Variants in VPS54 observed in about 807,000 individuals in gnomAD.
VPS54 encodes vacuolar protein sorting-associated protein 54.
In VPS54, 45 loss-of-function variants were observed where a neutral mutation model predicts 121.5. The observed-to-expected ratio is 0.37, with a 90% CI of 0.29 to 0.47. The LOEUF is 0.47. Among genes scored for constraint, VPS54 ranks in the 20% least tolerant of loss-of-function variants. The pLI, the probability that VPS54 is intolerant of heterozygous loss-of-function variation, is 0.99. For missense variants in VPS54, 1,090 were observed against 1,131.4 expected (o/e 0.96, Z 0.52); for synonymous variants, 371 against 385.8 (o/e 0.96, Z 0.45).
intron 10 of VPS54, among the ~76,000 whole-genome samples, chr2:63,943,242 A>G (rs1275064606): frequency 1.3e-5 from 2 of 152,226 alleles, no homozygotes; most frequent in Non-Finnish European, 2.9e-5. Flanking sequence ...AAGTAATACA[A>G]ATTCATTCCC....
chr2:63,906,008 A>C (rs1381555382), intron 20 of VPS54, among the ~76,000 whole-genome samples: 1 of 152,192 alleles, frequency 6.6e-6, no homozygotes, highest in Non-Finnish European at 1.5e-5. Flanking sequence ...ACCTCTTAGC[A>C]AACTTGAACA....
At chr2:63,991,282 G>C (rs1036608177) in intron 1 of VPS54, among the ~76,000 whole-genome samples, 3 of 152,186 alleles carry the variant, frequency 2.0e-5, no homozygotes, top group African/African-American at 7.2e-5. Flanking sequence ...TGAAAAATCT[G>C]TCTGATGAGC....
At position 63,919,931 on chromosome 2, in the gene VPS54, C is replaced by G; in HGVS notation, c.2116G>C (p.Asp706His). Residue 706 changes from aspartate (D) to histidine (H), a missense_variant, in exon 15 of 23, where the codon GAT (aspartate) becomes CAT (histidine). Asp to His is a moderately conservative substitution (Grantham distance 81). Coordinates refer to ENST00000272322, the MANE Select transcript of VPS54 (RefSeq NM_016516.3). ...DVPAEFQDLVDSLSDGKIALP... is the reference protein window; with the variant it reads ...DVPAEFQDLVHSLSDGKIALP... ...GCAATCTTCCCATCTGACAGAGAAT[C>G]AACAAGATCCTGAAATTCTGCAGGA... is the stretch of plus-strand genomic sequence containing the variant. The G allele has an allele frequency of 6.2e-7, 1 of 1,611,792 alleles. No individual in the cohort carries two copies. Among genetic ancestry groups the G allele is most frequent in the Non-Finnish European group, 8.5e-7 (1 of 1,178,588 alleles).
chr2:63,893,175 GTC>G lies in VPS54; in HGVS notation c.*253_*254del. 3.8e-6 allele frequency: 2 copies of G among 521,394 alleles called. No homozygotes were observed. The highest frequency in any genetic ancestry group is 7.0e-6 in the Non-Finnish European group (2 of 286,850). The allele number at this position is 521,394 out of a possible 1,614,324, so 32.3% of individuals were successfully genotyped here. A position where few individuals can be genotyped will look rare whatever the true frequency, so the allele number is the denominator to read the frequency against. ...TTGGATTTGGTCCAAAGAAACCTGA[GTC>G]TGTTTCCAGAGAGAATGAAAAATGT... is the stretch of plus-strand genomic sequence containing the variant. On this transcript the variant is annotated 3_prime_UTR_variant, in exon 23 of 23. Transcript: ENST00000272322.
chr2:63,922,933 TA>T (rs555242935), intron 12 of VPS54, among the ~76,000 whole-genome samples: 7,101 of 143,528 alleles, frequency 0.049, 207 homozygotes, highest in Non-Finnish European at 0.076. Context: ...CTCAAGTCCT[TA>T]AAAAAAAAAA....
At chr2:63,971,342 T>C (rs1575973405) in intron 4 of VPS54, among the ~76,000 whole-genome samples, 1 of 152,192 alleles carries the variant, frequency 6.6e-6, no homozygotes, top group Non-Finnish European at 1.5e-5. Context: ...TAATCATAAA[T>C]CTGATCATGC....
intron 6 of VPS54, among the ~76,000 whole-genome samples, chr2:63,963,904 A>G (rs1675877028): frequency 6.6e-6 from 1 of 152,176 alleles, no homozygotes; most frequent in African/African-American, 2.4e-5. Context: ...CCATAATAAA[A>G]TAAAGAATTT....
chr2:63,968,097 CT>C (rs1338578644), intron 5 of VPS54, among the ~76,000 whole-genome samples: 11 of 151,550 alleles, frequency 7.3e-5, no homozygotes, highest in African/African-American at 2.4e-4. Context: ...TGATATCCTT[CT>C]ACCTTTTTTG....
chr2:63,943,285 T>C (rs1173287299), intron 10 of VPS54, among the ~76,000 whole-genome samples: 1 of 152,224 alleles, frequency 6.6e-6, no homozygotes, highest in Non-Finnish European at 1.5e-5. Flanking sequence ...AATGACTTAT[T>C]ACTCTAAATT....
intron 1 of VPS54, among the ~76,000 whole-genome samples, chr2:64,009,187 T>G (rs1678313702): frequency 6.6e-6 from 1 of 152,244 alleles, no homozygotes; most frequent in African/African-American, 2.4e-5. Context: ...AATGACTGAA[T>G]CAATAATTAT....
chr2:63,902,101 T>C (rs1672701176), intron 20 of VPS54, among the ~76,000 whole-genome samples: 1 of 151,928 alleles, frequency 6.6e-6, no homozygotes, highest in Non-Finnish European at 1.5e-5. Flanking sequence ...CCAGCAGAAG[T>C]TGAGAGCAGA....
At chr2:63,904,572 A>G (rs1282809742) in intron 20 of VPS54, among the ~76,000 whole-genome samples, 1 of 152,130 alleles carries the variant, frequency 6.6e-6, no homozygotes, top group Non-Finnish European at 1.5e-5. Flanking sequence ...AGATCTGAAC[A>G]CAAAAACAGA....
intron 1 of VPS54, among the ~76,000 whole-genome samples, chr2:64,016,322 G>A (rs1053814005): frequency 1.3e-5 from 2 of 152,140 alleles, no homozygotes; most frequent in Admixed American, 6.5e-5. Flanking sequence ...TTGGTGATCA[G>A]TTGCTTATTC....
intron 1 of VPS54, among the ~76,000 whole-genome samples, chr2:64,017,332 G>A (rs1192816300): frequency 6.7e-5 from 9 of 135,328 alleles, no homozygotes; most frequent in East Asian, 4.1e-4. Flanking sequence ...GCAAGACCCC[G>A]TCTCAAAAAA....
At chr2:63,956,755 C>T (rs1483221704) in intron 7 of VPS54, among the ~76,000 whole-genome samples, 1 of 152,034 alleles carries the variant, frequency 6.6e-6, no homozygotes, top group Non-Finnish European at 1.5e-5. Flanking sequence ...GTATCTGGTA[C>T]AGAATACTCA....
chr2:63,988,014 T>C (rs945545705), intron 1 of VPS54, among the ~76,000 whole-genome samples: 27 of 152,316 alleles, frequency 1.8e-4, no homozygotes, highest in Non-Finnish European at 3.2e-4. Context: ...CTTTCTTTCT[T>C]TCTCCTGTCT....
At chr2:63,932,717 A>C (rs1349037625) in intron 12 of VPS54, among the ~76,000 whole-genome samples, 1 of 152,054 alleles carries the variant, frequency 6.6e-6, no homozygotes, top group African/African-American at 2.4e-5. Context: ...AAAGATAATA[A>C]AAATATTGTT....
At chr2:63,991,822 AACAAATTT>A (rs1462628634) in intron 1 of VPS54, among the ~76,000 whole-genome samples, 2 of 152,114 alleles carry the variant, frequency 1.3e-5, no homozygotes, top group African/African-American at 4.8e-5. Flanking sequence ...CCCCACCACA[AACAAATTT>A]ACCTACAGTC....
chr2:64,010,121 C>T (rs181573914), intron 1 of VPS54, among the ~76,000 whole-genome samples: 3 of 152,270 alleles, frequency 2.0e-5, no homozygotes, highest in African/African-American at 4.8e-5. Context: ...GCATTACAGG[C>T]GTGAGCCACC....
Sources: allele counts gnomAD v4.1 joint callset (sites outside exome capture counted in the v4.1 genomes callset), GRCh38; gene constraint gnomAD v4.1.1; transcripts MANE v1.5; gene names NCBI Gene and HGNC (gene_info 2026-07-23, HGNC 2026-07-21).